ATXN7L1: variants seen among roughly 807,000 people sequenced by gnomAD.
The protein encoded by ATXN7L1 is ataxin-7-like protein 1.
ATXN7L1 carries 15 observed loss-of-function variants against 70.8 expected under a neutral mutation model. The observed-to-expected ratio is 0.21, with a 90% CI of 0.14 to 0.33. ATXN7L1 has a LOEUF of 0.33. Ranked by LOEUF, ATXN7L1 falls within the 10% of genes least tolerant of loss-of-function variation. The pLI is 1.00. For synonymous variants in ATXN7L1, 440 were observed against 445.1 expected (o/e 0.99, Z 0.14); for missense variants, 975 against 1,097.1 (o/e 0.89, Z 1.57).
intron 2 of ATXN7L1, among the ~76,000 whole-genome samples, chr7:105,850,219 A>T (rs1814673322): frequency 6.6e-6 from 1 of 152,164 alleles, no homozygotes; most frequent in South Asian, 2.1e-4. Flanking sequence ...ACGTTTGCAC[A>T]CTCCTGGCTC....
intron 2 of ATXN7L1, among the ~76,000 whole-genome samples, chr7:105,811,818 C>T (rs1177836586): frequency 6.6e-6 from 1 of 152,108 alleles, no homozygotes. Context: ...AGTCCTGGGG[C>T]CTGCATTTCT....
chr7:105,699,069 T>G (rs1792108605), intron 3 of ATXN7L1, among the ~76,000 whole-genome samples: 1 of 152,138 alleles, frequency 6.6e-6, no homozygotes, highest in East Asian at 1.9e-4. Context: ...TAATGCCAAA[T>G]CTTTAAAAAG....
intron 3 of ATXN7L1, among the ~76,000 whole-genome samples, chr7:105,671,163 A>G (rs1803587719): frequency 6.8e-6 from 1 of 147,274 alleles, no homozygotes; most frequent in Non-Finnish European, 1.5e-5. Flanking sequence ...GGTGCCTGTA[A>G]TCTCAGCTAC....
At position 105,788,635 on chromosome 7, in the gene ATXN7L1, G is replaced by A. The variant is rs202128787; in HGVS notation, c.324C>T (p.Val108=). 634 of 1,613,916 alleles carry A rather than the reference G, an allele frequency of 3.9e-4. 2 individuals are homozygous for A. The highest frequency in any genetic ancestry group is 2.6e-3 in the East Asian group (118 of 44,876). ...GCGACTGGAAAACCTGTGGCTTGAC[G>A]ACCTGGTTACAGGCACTGCACACTA... The part of the protein sequence containing the change: ...YLVVCSACNQ[V]VKPQVFQSHC... Residue 108 remains valine (V), a synonymous_variant, in exon 3 of 12, where the codon GTC becomes GTT. Coordinates refer to ENST00000419735, the MANE Select transcript of ATXN7L1 (RefSeq NM_020725.2).
intron 3 of ATXN7L1, among the ~76,000 whole-genome samples, chr7:105,682,115 C>T (rs1165961639): frequency 6.6e-6 from 1 of 152,068 alleles, no homozygotes; most frequent in East Asian, 1.9e-4. Flanking sequence ...GTCCCAGCTA[C>T]TGGGGAGGCT....
intron 2 of ATXN7L1, among the ~76,000 whole-genome samples, chr7:105,868,574 A>G (rs1284248062): frequency 6.6e-6 from 1 of 152,154 alleles, no homozygotes; most frequent in Non-Finnish European, 1.5e-5. Context: ...AGCTAATACT[A>G]TAGGTTTCTA....
chr7:105,662,057 TCC>T (rs1207995567), intron 4 of ATXN7L1, among the ~76,000 whole-genome samples: 3,138 of 96,694 alleles, frequency 0.032, 95 homozygotes, highest in East Asian at 0.18. Context: ...CTTCCTTCCT[TCC>T]TTCCTTCCTT....
At position 105,697,680 on chromosome 7, in the gene ATXN7L1, T is replaced by C. The variant is rs371664578; in HGVS notation, c.356-32392A>G. Among the ~76,000 whole-genome samples, 33 of 152,322 alleles carry C rather than the reference T, an allele frequency of 2.2e-4. No homozygotes were observed. The East Asian group carries it at 2.5e-3, about 12-fold the overall frequency. On this transcript the variant is annotated intron_variant, in intron 3 of 11. Transcript: ENST00000419735. ...GCATAGGAAATCACAAGGGTATTGATTGGGGAAGTGATAAGTGTCCATGAA... is the reference window on the plus strand; with the variant it reads ...GCATAGGAAATCACAAGGGTATTGACTGGGGAAGTGATAAGTGTCCATGAA...
chr7:105,820,766 G>A (rs939382430), intron 2 of ATXN7L1, among the ~76,000 whole-genome samples: 1 of 152,158 alleles, frequency 6.6e-6, no homozygotes, highest in East Asian at 1.9e-4. Flanking sequence ...ATGAGATCAT[G>A]GGGGTGGATC....
At chr7:105,689,015 G>A (rs570123808) in intron 3 of ATXN7L1, among the ~76,000 whole-genome samples, 3 of 152,286 alleles carry the variant, frequency 2.0e-5, no homozygotes, top group Non-Finnish European at 4.4e-5. Flanking sequence ...AAGTGAGGTC[G>A]CTGTTAGCAG....
chr7:105,876,566 A>T lies in ATXN7L1; in HGVS notation c.-8T>A. On this transcript the variant is annotated 5_prime_UTR_variant, in exon 1 of 12. Transcript: ENST00000419735. ...AGAACGCTCCGACGTCATCTTCGGA[A>T]CGTTCCGACATTGAGTGTTCTGAAA... 1 of 1,363,984 alleles carries T rather than the reference A, an allele frequency of 7.3e-7. No individual in the cohort carries two copies. Among genetic ancestry groups the T allele is most frequent in the Non-Finnish European group, 9.8e-7 (1 of 1,022,478 alleles). The allele number at this position is 1,363,984 out of a possible 1,614,324, so 84.5% of individuals were successfully genotyped here. A position where few individuals can be genotyped will look rare whatever the true frequency, so the allele number is the denominator to read the frequency against.
chr7:105,838,784 G>A (rs572190344), intron 2 of ATXN7L1, among the ~76,000 whole-genome samples: 1 of 152,142 alleles, frequency 6.6e-6, no homozygotes, highest in African/African-American at 2.4e-5. Flanking sequence ...CTGGATCACC[G>A]GGCACCCTGC....
chr7:105,818,426 G>A (rs1809528764), intron 2 of ATXN7L1, among the ~76,000 whole-genome samples: 1 of 151,618 alleles, frequency 6.6e-6, no homozygotes, highest in Admixed American at 6.6e-5. Flanking sequence ...AAAGTGCTGG[G>A]ATTACAGCAT....
At chr7:105,642,711 T>C in intron 5 of ATXN7L1, 127 bp downstream of exon 5, 3 of 1,207,150 alleles carry the variant, frequency 2.5e-6, no homozygotes, top group Non-Finnish European at 3.4e-6. Flanking sequence ...TGTTTGCAGG[T>C]AAACTCTGCA....
intron 3 of ATXN7L1, among the ~76,000 whole-genome samples, chr7:105,733,949 C>G (rs1395756358): frequency 6.7e-6 from 1 of 148,788 alleles, no homozygotes; most frequent in Non-Finnish European, 1.5e-5. Flanking sequence ...TCCATCCATC[C>G]ATCCATCCAT....
chr7:105,681,114 C>T (rs901562460), intron 3 of ATXN7L1, among the ~76,000 whole-genome samples: 2 of 152,190 alleles, frequency 1.3e-5, no homozygotes, highest in African/African-American at 4.8e-5. Flanking sequence ...CAAAAACAGG[C>T]AGGTTCAATC....
chr7:105,801,491 C>T (rs572050836), intron 2 of ATXN7L1, among the ~76,000 whole-genome samples: 1 of 152,220 alleles, frequency 6.6e-6, no homozygotes, highest in Non-Finnish European at 1.5e-5. Flanking sequence ...ATTGTCCTAT[C>T]ATGATCACTA....
chr7:105,855,209 T>TC (rs1284768624), intron 2 of ATXN7L1, among the ~76,000 whole-genome samples: 5 of 152,342 alleles, frequency 3.3e-5, no homozygotes, highest in African/African-American at 1.2e-4. Context: ...CGCCTCGGCC[T>TC]CCCAAAGTGC....
chr7:105,700,080 A>G (rs1332258972), intron 3 of ATXN7L1, among the ~76,000 whole-genome samples: 1 of 152,202 alleles, frequency 6.6e-6, no homozygotes, highest in African/African-American at 2.4e-5. Context: ...GTTCCCATGC[A>G]GCTTCACTCA....
Sources: gnomAD v4.1 joint callset for allele counts (sites outside exome capture counted in the v4.1 genomes callset) on GRCh38, gnomAD v4.1.1 for gene constraint, MANE v1.5 for transcripts, NCBI Gene and HGNC (gene_info 2026-07-23, HGNC 2026-07-21) for gene names.